SLC2A7: variants seen among roughly 807,000 people sequenced by gnomAD.
SLC2A7 encodes the protein solute carrier family 2, facilitated glucose transporter member 7.
In SLC2A7, 50 loss-of-function variants were observed where a neutral mutation model predicts 50.5. That is an observed-to-expected ratio of 0.99 (90% CI 0.79 to 1.25). The LOEUF (loss-of-function observed/expected upper bound fraction) is 1.25. Among genes scored for constraint, SLC2A7 ranks in the 50% most tolerant of loss-of-function variants. The pLI is 0.00. For missense variants in SLC2A7, 683 were observed against 679.1 expected (o/e 1.01, Z -0.06); for synonymous variants, 308 against 300.4 (o/e 1.03, Z -0.26).
intron 8 of SLC2A7, among the ~76,000 whole-genome samples, chr1:9,011,910 C>T (rs576755896): frequency 1.3e-4 from 20 of 151,948 alleles, no homozygotes; most frequent in African/African-American, 1.9e-4. Context: ...CTATCACGCC[C>T]GGCTAATTTT....
chr1:9,015,358 C>T, intron 5 of SLC2A7, 116 bp from the exon 6 acceptor site: 1 of 1,326,964 alleles, frequency 7.5e-7, no homozygotes, highest in Non-Finnish European at 1.0e-6. Context: ...GGACTTCATT[C>T]TCACCAGGGT....
chr1:8,996,190 T>C, the SLC2A7 span, among the ~76,000 whole-genome samples: 1 of 152,206 alleles, frequency 6.6e-6, no homozygotes, highest in Non-Finnish European at 1.5e-5. Context: ...CCCCAAAAGT[T>C]TCCCCAGCGA....
At chr1:9,009,202 GAT>G (rs1319522209) in intron 9 of SLC2A7, among the ~76,000 whole-genome samples, 1 of 152,228 alleles carries the variant, frequency 6.6e-6, no homozygotes, top group Non-Finnish European at 1.5e-5. Flanking sequence ...TTGCGTTGCT[GAT>G]ATATTTTCCA....
chr1:8,992,865 C>A, the SLC2A7 span, among the ~76,000 whole-genome samples: 1 of 152,152 alleles, frequency 6.6e-6, no homozygotes, highest in African/African-American at 2.4e-5. Context: ...CCTTGCAGCC[C>A]AGCCACCCAG....
chr1:8,998,684 C>T (rs578014990), downstream of SLC2A7, among the ~76,000 whole-genome samples: 1 of 152,204 alleles, frequency 6.6e-6, no homozygotes, highest in East Asian at 1.9e-4. Context: ...CGCCTCCCCA[C>T]CCCCTGCCAA....
chr1:8,996,510 A>G, the SLC2A7 span, among the ~76,000 whole-genome samples: 1 of 152,214 alleles, frequency 6.6e-6, no homozygotes, highest in Non-Finnish European at 1.5e-5. Context: ...TTGTTTAGAC[A>G]TCTGCTTTGG....
chr1:9,010,812 C>CT (rs1306262112), intron 8 of SLC2A7, among the ~76,000 whole-genome samples: 1 of 152,210 alleles, frequency 6.6e-6, no homozygotes, highest in Non-Finnish European at 1.5e-5. Flanking sequence ...GCACCCCTTG[C>CT]TACCCACTAG....
chr1:9,026,274 G>C, intron 1 of SLC2A7, 21 bp downstream of exon 1: 3 of 1,607,282 alleles, frequency 1.9e-6, no homozygotes, highest in East Asian at 2.2e-5. Context: ...ACAGTGACAG[G>C]TTCCTAGTCT....
chr1:9,005,279 T>C (rs1640639711), intron 10 of SLC2A7, among the ~76,000 whole-genome samples: 1 of 152,162 alleles, frequency 6.6e-6, no homozygotes, highest in Non-Finnish European at 1.5e-5. Context: ...CCGCCCGCGC[T>C]TGGGAAGTGC....
At chr1:9,007,242 A>G in intron 10 of SLC2A7, 68 bp downstream of exon 10, 3 of 1,556,138 alleles carry the variant, frequency 1.9e-6, no homozygotes, top group East Asian at 4.5e-5. Context: ...TGTGTCGAGC[A>G]CTGACTGTGT....
chr1:8,994,707 A>G, the SLC2A7 span, among the ~76,000 whole-genome samples: 3 of 152,284 alleles, frequency 2.0e-5, no homozygotes, highest in South Asian at 4.1e-4. Context: ...GTTTAAGGTC[A>G]TGATGACTGT....
At chr1:8,998,129 C>T (rs184900564), downstream of SLC2A7, among the ~76,000 whole-genome samples, 7 of 152,218 alleles carry the variant, frequency 4.6e-5, no homozygotes, top group East Asian at 5.8e-4. Context: ...TGAGGCCAGG[C>T]GTGGTGGCTA....
chr1:9,021,259 C>T (rs960548053), intron 3 of SLC2A7, among the ~76,000 whole-genome samples: 3 of 152,198 alleles, frequency 2.0e-5, no homozygotes, highest in African/African-American at 4.8e-5. Flanking sequence ...ATTGGCTCAC[C>T]TCAGCCTCCC....
the SLC2A7 span, among the ~76,000 whole-genome samples, chr1:8,994,407 C>T: frequency 2.6e-5 from 4 of 152,162 alleles, no homozygotes; most frequent in South Asian, 2.1e-4. Flanking sequence ...AGACAGTGGC[C>T]GGCAGCGTGA....
chr1:9,014,765 G>T lies in SLC2A7; in HGVS notation c.819C>A (p.His273Gln). The change falls in exon 7 of 12, where the codon CAC (histidine) becomes CAA (glutamine). Residue 273 changes from histidine to glutamine, a missense_variant. By Grantham distance (24) the His-to-Gln change is conservative. Transcript: ENST00000400906. Reference sequence around the variant, plus strand: ...AGCGCAGGGACCGCAGGGCACAGAGGTGCAGCACAGACAGGTGGCCCTCGG... The same window carrying T: ...AGCGCAGGGACCGCAGGGCACAGAGTTGCAGCACAGACAGGTGGCCCTCGG... ...ERAEGHLSVLHLCALRSLRWQ... is the reference protein window; with the variant it reads ...ERAEGHLSVLQLCALRSLRWQ... The T allele has an allele frequency of 6.3e-7, 1 of 1,594,658 alleles. No individual in the cohort carries two copies. The highest frequency in any genetic ancestry group is 8.5e-7 in the Non-Finnish European group (1 of 1,171,334).
downstream of SLC2A7, among the ~76,000 whole-genome samples, chr1:9,002,358 G>A (rs939482362): frequency 4.6e-5 from 7 of 152,302 alleles, no homozygotes; most frequent in East Asian, 3.9e-4. Context: ...TATAAAACCC[G>A]AGCGTACGTT....
chr1:9,017,813 C>T (rs957829907), intron 5 of SLC2A7, among the ~76,000 whole-genome samples: 6 of 152,118 alleles, frequency 3.9e-5, no homozygotes, highest in Non-Finnish European at 8.8e-5. Flanking sequence ...AGATAGAGGC[C>T]GCCAGAAGAA....
In SLC2A7 at chr1:9,012,686, A is replaced by G. The variant is rs1640764574; in HGVS notation, c.1014+839T>C. 2.6e-5 allele frequency among the ~76,000 whole-genome samples: 4 copies of G among 152,232 alleles called. No individual in the cohort carries two copies. The South Asian group carries it at 8.3e-4, about 31-fold the overall frequency. On this transcript the variant is annotated intron_variant, in intron 8 of 11. Coordinates refer to ENST00000400906, the MANE Select transcript of SLC2A7 (RefSeq NM_207420.3). ...TCAGGAGATAACTTGAAAATGGTCT[A>G]GGGAAAGGAATGCCATGATCATCTG...
At chr1:9,009,893 C>G (rs1557648013) in intron 9 of SLC2A7, among the ~76,000 whole-genome samples, 1 of 152,272 alleles carries the variant, frequency 6.6e-6, no homozygotes, top group African/African-American at 2.4e-5. Flanking sequence ...AAACTGTCCT[C>G]CTTGTTTCTC....
Sources: allele counts gnomAD v4.1 joint callset (sites outside exome capture counted in the v4.1 genomes callset), GRCh38; gene constraint gnomAD v4.1.1; transcripts MANE v1.5; gene names NCBI Gene and HGNC (gene_info 2026-07-23, HGNC 2026-07-21).